Variants in MVP observed in about 807,000 individuals in gnomAD.
MVP encodes the protein lung resistance-related protein.
MVP carries 62 observed loss-of-function variants against 83.5 expected under a neutral mutation model. The observed-to-expected ratio is 0.74, with a 90% CI of 0.61 to 0.92. The LOEUF (loss-of-function observed/expected upper bound fraction) is 0.92. Ranked by LOEUF, MVP falls within the 40% of genes least tolerant of loss-of-function variation. The pLI is 0.00. For missense variants in MVP, 1,000 were observed against 1,203.4 expected (o/e 0.83, Z 2.50); for synonymous variants, 505 against 504.1 (o/e 1.00, Z -0.02).
Position 29,836,753 on chromosome 16 carries a change from T to G in MVP, c.704T>G (p.Phe235Cys), listed in dbSNP as rs1567391994. The change falls in exon 7 of 15, where the codon TTC becomes TGC. Residue 235 changes from phenylalanine (F) to cysteine (C), a missense_variant. Transcript: ENST00000357402. Reference protein sequence around the residue: ...TALHLRARRNFRDFRGVSRRT... With the variant: ...TALHLRARRNCRDFRGVSRRT... ...CTGCACCTCCGGGCTCGGCGGAACT[T>G]CCGGGACTTCAGGGGAGTGTCCCGC... is the stretch of plus-strand genomic sequence containing the variant. 4 of 1,604,236 alleles carry G rather than the reference T, an allele frequency of 2.5e-6. No homozygotes were observed. The highest frequency in any genetic ancestry group is 3.4e-6 in the Non-Finnish European group (4 of 1,172,948).
intron 1 of MVP, among the ~76,000 whole-genome samples, chr16:29,823,463 A>G (rs1302635982): frequency 6.6e-6 from 1 of 152,058 alleles, no homozygotes; most frequent in African/African-American, 2.4e-5. Flanking sequence ...ACTGGAGAGG[A>G]AGGCTCAGAG....
intron 3 of MVP, among the ~76,000 whole-genome samples, chr16:29,832,227 T>C (rs1392118797): frequency 5.3e-5 from 8 of 150,414 alleles, no homozygotes; most frequent in African/African-American, 7.4e-5. Context: ...AGAGAGAAAA[T>C]GAAGAATGAT....
At chr16:29,845,199 GAAA>G (rs71373207) in intron 11 of MVP, among the ~76,000 whole-genome samples, 1 of 100,952 alleles carries the variant, frequency 9.9e-6, no homozygotes, top group African/African-American at 3.2e-5. Flanking sequence ...TGTCTCAAAA[GAAA>G]AAAAAAAAAA....
chr16:29,834,142 G>C, intron 5 of MVP, 76 bp downstream of exon 5: 2 of 1,560,240 alleles, frequency 1.3e-6, no homozygotes. Flanking sequence ...GGAAGGTTGA[G>C]GAAAGCCTCC....
intron 3 of MVP, among the ~76,000 whole-genome samples, chr16:29,832,880 C>G (rs1367744865): frequency 6.6e-6 from 1 of 151,956 alleles, no homozygotes; most frequent in Non-Finnish European, 1.5e-5. Flanking sequence ...GGCTGGCCAA[C>G]ATGGCGAAAA....
At position 29,834,083 on chromosome 16, in the gene MVP, G is replaced by T. The variant is rs754352725; in HGVS notation, c.577+17G>T. 9.3e-6 allele frequency: 15 copies of T among 1,611,480 alleles called. No homozygotes were observed. Among genetic ancestry groups the T allele is most frequent in the Non-Finnish European group, 1.3e-5 (15 of 1,179,056 alleles). On this transcript the variant is annotated intron_variant, in intron 5 of 14. Coordinates refer to ENST00000357402, the MANE Select transcript of MVP (RefSeq NM_005115.5). ...GGGTGACAGGTGGGGTCACCAAGGG[G>T]CGATGATGGTGGGTGGGCAGGAGGG... is the stretch of plus-strand genomic sequence containing the variant.
intron 1 of MVP, chr16:29,830,222 T>G: frequency 8.3e-6 from 2 of 240,412 alleles, no homozygotes; most frequent in South Asian, 5.3e-5. Flanking sequence ...CCGGTGGCAG[T>G]GTAGGGGGAA....
intron 1 of MVP, among the ~76,000 whole-genome samples, chr16:29,823,122 C>CTTTTTTTTTTTTTTTTTTT (rs66512916): frequency 1.0e-5 from 1 of 98,484 alleles, no homozygotes; most frequent in African/African-American, 4.3e-5. Flanking sequence ...CTTTTCTTTT[C>CTTTTTTTTTTTTTTTTTTT]TTTTTTTTTT....
chr16:29,844,739 C>G lies in MVP; in HGVS notation c.1881C>G (p.Val627=), dbSNP rs778515999. The stretch of plus-strand genomic sequence containing the variant: ...TGCCCAGGCCCCGGGACCAGGCTGT[C>G]TTCCCCCAAAACGGGCTGGTGGTCA... ...MALPRPRDQA[V]FPQNGLVVSS... is the part of the protein sequence containing the mutation. Residue 627 remains valine, a synonymous_variant, in exon 11 of 15, where the codon GTC becomes GTG. Coordinates refer to ENST00000357402, the MANE Select transcript of MVP (RefSeq NM_005115.5). 6.2e-6 allele frequency: 10 copies of G among 1,613,080 alleles called. No individual in the cohort carries two copies. The South Asian group carries it at 1.1e-4, about 18-fold the overall frequency.
In MVP at chr16:29,847,188, C is replaced by G. The variant is rs2067592143; in HGVS notation, c.2266-9C>G. ...AAAAATAAAGAATGATTGATTTTTC[C>G]TCTTCCAGGAGGCTGAGCTCCAGAG... On this transcript the variant is annotated splice_polypyrimidine_tract_variant and intron_variant, in intron 13 of 14. Coordinates refer to ENST00000357402, the MANE Select transcript of MVP (RefSeq NM_005115.5). 4 of 1,611,662 alleles carry G rather than the reference C, an allele frequency of 2.5e-6. No individual in the cohort carries two copies. The highest frequency in any genetic ancestry group is 3.4e-6 in the Non-Finnish European group (4 of 1,179,772).
chr16:29,840,059 C>T (rs1487566988), intron 7 of MVP, 119 bp from the exon 8 acceptor site: 21 of 1,016,842 alleles, frequency 2.1e-5, no homozygotes, highest in South Asian at 1.3e-4. Context: ...GGGGTGGGGG[C>T]GGGCTTCTGG....
At chr16:29,829,454 CAAAA>C (rs34314929) in intron 1 of MVP, among the ~76,000 whole-genome samples, 8 of 52,648 alleles carry the variant, frequency 1.5e-4, no homozygotes, top group African/African-American at 4.8e-4. Context: ...GACTCCGTCT[CAAAA>C]AAAAAAAAAA....
At chr16:29,830,390 G>A in intron 1 of MVP, 125 bp from the exon 2 acceptor site, 1 of 741,732 alleles carries the variant, frequency 1.3e-6, no homozygotes, top group South Asian at 1.8e-5. Flanking sequence ...TGCGGACAGG[G>A]AAGGGTGCAG....
intron 3 of MVP, among the ~76,000 whole-genome samples, chr16:29,833,031 C>T (rs1205432251): frequency 2.0e-5 from 3 of 151,256 alleles, no homozygotes; most frequent in Non-Finnish European, 4.4e-5. Flanking sequence ...CGCCACTGCG[C>T]TCCAGCCTGG....
At chr16:29,826,392 G>A (rs1171866787) in intron 1 of MVP, among the ~76,000 whole-genome samples, 2 of 152,178 alleles carry the variant, frequency 1.3e-5, no homozygotes, top group African/African-American at 4.8e-5. Flanking sequence ...AGTGCTTTGG[G>A]AAGCTAAGGC....
intron 1 of MVP, chr16:29,820,908 C>G (rs952198075): frequency 6.6e-6 from 1 of 152,450 alleles, no homozygotes; most frequent in Non-Finnish European, 1.5e-5. Flanking sequence ...GGGCTCTGGC[C>G]TGTCACCTTG....
intron 1 of MVP, chr16:29,820,903 C>T (rs985639248): frequency 2.6e-5 from 4 of 152,452 alleles, no homozygotes; most frequent in Admixed American, 1.3e-4. Context: ...GACCTGGGCT[C>T]TGGCCTGTCA....
At chr16:29,831,604 C>T (rs1366298997) in intron 3 of MVP, 7 of 456,200 alleles carry the variant, frequency 1.5e-5, no homozygotes, top group East Asian at 1.4e-4. Flanking sequence ...AACACACCTG[C>T]CTCTTTTCTG....
At chr16:29,844,984 C>T in intron 11 of MVP, 105 bp downstream of exon 11, 1 of 1,411,410 alleles carries the variant, frequency 7.1e-7, no homozygotes, top group South Asian at 1.4e-5. Flanking sequence ...CCATCCCTAC[C>T]CTCAAAGATC....
Sources: gnomAD v4.1 joint callset for allele counts (sites outside exome capture counted in the v4.1 genomes callset) on GRCh38, gnomAD v4.1.1 for gene constraint, MANE v1.5 for transcripts, NCBI Gene and HGNC (gene_info 2026-07-23, HGNC 2026-07-21) for gene names.